Variants in DGKB observed in about 807,000 individuals in gnomAD.
DGKB encodes the protein diacylglycerol kinase beta.
DGKB carries 67 observed loss-of-function variants against 114.3 expected under a neutral mutation model. The observed-to-expected ratio is 0.59, with a 90% confidence interval of 0.48 to 0.72. The LOEUF is 0.72. Ranked by LOEUF, DGKB falls within the 30% of genes least tolerant of loss-of-function variation. The pLI is 0.00. For synonymous variants in DGKB, 398 were observed against 323.1 expected (o/e 1.23, Z -2.49); for missense variants, 907 against 975.2 (o/e 0.93, Z 0.93).
At chr7:14,153,413 T>C (rs966492618) in intron 25 of DGKB, among the ~76,000 whole-genome samples, 1 of 152,096 alleles carries the variant, frequency 6.6e-6, no homozygotes, top group Non-Finnish European at 1.5e-5. Flanking sequence ...ATTTTACTTT[T>C]ATAATGTCTA....
intron 1 of DGKB, among the ~76,000 whole-genome samples, chr7:14,962,225 T>A (rs1186815199): frequency 1.3e-5 from 2 of 152,174 alleles, no homozygotes; most frequent in Non-Finnish European, 2.9e-5. Flanking sequence ...TATATCCATA[T>A]TCTGAGTACC....
intron 1 of DGKB, among the ~76,000 whole-genome samples, chr7:14,970,929 G>T (rs1251180492): frequency 3.3e-5 from 5 of 152,166 alleles, no homozygotes; most frequent in African/African-American, 9.7e-5. Context: ...TCAGGAAGTG[G>T]CAGGGAAGGT....
At chr7:14,475,929 C>T (rs1782098308) in intron 21 of DGKB, among the ~76,000 whole-genome samples, 2 of 151,896 alleles carry the variant, frequency 1.3e-5, no homozygotes, top group Non-Finnish European at 2.9e-5. Context: ...GCCTCTGATG[C>T]TTGAGAGAGG....
intron 25 of DGKB, among the ~76,000 whole-genome samples, chr7:14,169,686 G>A (rs867149750): frequency 6.6e-6 from 1 of 152,120 alleles, no homozygotes; most frequent in Non-Finnish European, 1.5e-5. Flanking sequence ...TCATAGCTGT[G>A]TTGGTCAGTA....
At chr7:14,870,227 C>G (rs1026770270) in intron 1 of DGKB, among the ~76,000 whole-genome samples, 1 of 152,256 alleles carries the variant, frequency 6.6e-6, no homozygotes, top group South Asian at 2.1e-4. Flanking sequence ...CTACAGATAC[C>G]TCAGATAAAG....
intron 10 of DGKB, among the ~76,000 whole-genome samples, chr7:14,684,901 G>T (rs1453689554): frequency 2.7e-5 from 4 of 150,896 alleles, no homozygotes; most frequent in Admixed American, 2.6e-4. Context: ...CATGTGGGGA[G>T]GGGGGGATGA....
At chr7:14,283,098 A>G (rs368425114) in intron 23 of DGKB, among the ~76,000 whole-genome samples, 8 of 151,682 alleles carry the variant, frequency 5.3e-5, no homozygotes, top group Non-Finnish European at 8.8e-5. Context: ...TGACATGATT[A>G]TATATCTAGA....
chr7:14,654,053 T>A (rs1205804036), intron 13 of DGKB, among the ~76,000 whole-genome samples: 1 of 151,968 alleles, frequency 6.6e-6, no homozygotes, highest in African/African-American at 2.4e-5. Flanking sequence ...GGCAACAGGA[T>A]GAAATAAAGG....
At chr7:14,760,113 T>G (rs1835468930) in intron 2 of DGKB, among the ~76,000 whole-genome samples, 1 of 152,170 alleles carries the variant, frequency 6.6e-6, no homozygotes, top group African/African-American at 2.4e-5. Context: ...GGTTTGTCTT[T>G]TTGTTGTGGA....
chr7:14,249,114 G>A (rs190392152), intron 23 of DGKB, among the ~76,000 whole-genome samples: 1 of 152,196 alleles, frequency 6.6e-6, no homozygotes, highest in East Asian at 1.9e-4. Flanking sequence ...CATGGTTTTT[G>A]TACATCATTC....
intron 25 of DGKB, 105 bp from the exon 26 acceptor site, chr7:14,149,343 G>C: frequency 2.6e-6 from 2 of 769,580 alleles, no homozygotes; most frequent in South Asian, 1.9e-5. Flanking sequence ...TATTTCATGA[G>C]TGACTGAAAC....
At chr7:14,770,446 C>T (rs1216621940) in intron 2 of DGKB, among the ~76,000 whole-genome samples, 1 of 152,076 alleles carries the variant, frequency 6.6e-6, no homozygotes, top group African/African-American at 2.4e-5. Context: ...TTGGTCATTG[C>T]CTGGGAGCAG....
chr7:14,213,940 G>A (rs1788545061), intron 23 of DGKB, among the ~76,000 whole-genome samples: 1 of 152,052 alleles, frequency 6.6e-6, no homozygotes, highest in Non-Finnish European at 1.5e-5. Context: ...CATTTCCCTA[G>A]TTATTAGTAT....
chr7:14,169,144 G>A (rs1000636454), intron 25 of DGKB, among the ~76,000 whole-genome samples: 1 of 151,710 alleles, frequency 6.6e-6, no homozygotes, highest in Non-Finnish European at 1.5e-5. Context: ...TGGATCACAA[G>A]GTCAGGAGAT....
chr7:14,651,736 A>G (rs1201529634), intron 13 of DGKB, among the ~76,000 whole-genome samples: 3 of 149,366 alleles, frequency 2.0e-5, no homozygotes, highest in Admixed American at 1.3e-4. Context: ...ACATGATTGT[A>G]TATCCAGAAA....
chr7:14,291,446 C>T (rs1369416593), intron 23 of DGKB, among the ~76,000 whole-genome samples: 1 of 152,096 alleles, frequency 6.6e-6, no homozygotes, highest in Non-Finnish European at 1.5e-5. Flanking sequence ...GACTGCACTG[C>T]TTGAAGTAAA....
intron 20 of DGKB, among the ~76,000 whole-genome samples, chr7:14,482,746 G>T (rs1233499170): frequency 6.6e-6 from 1 of 152,070 alleles, no homozygotes; most frequent in Non-Finnish European, 1.5e-5. Context: ...GTGTTTACCT[G>T]AATGTACTAT....
At chr7:14,478,943 G>C (rs1483876687) in intron 20 of DGKB, among the ~76,000 whole-genome samples, 2 of 152,070 alleles carry the variant, frequency 1.3e-5, no homozygotes, top group African/African-American at 4.8e-5. Flanking sequence ...ATTTTTCCAT[G>C]AGATAGAAAT....
At chr7:14,271,584 G>A (rs1013618180) in intron 23 of DGKB, among the ~76,000 whole-genome samples, 1 of 152,166 alleles carries the variant, frequency 6.6e-6, no homozygotes, top group East Asian at 1.9e-4. Context: ...ATCCCAGGCA[G>A]ACAATGGAGC....
Sources: gnomAD v4.1 joint callset for allele counts (sites outside exome capture counted in the v4.1 genomes callset) on GRCh38, gnomAD v4.1.1 for gene constraint, MANE v1.5 for transcripts, NCBI Gene and HGNC (gene_info 2026-07-23, HGNC 2026-07-21) for gene names.